The following RANBP17 variants were observed in gnomAD, a reference collection of about 807,000 sequenced individuals.
RANBP17 encodes the protein RAN binding protein 17.
RANBP17 carries 158 observed loss-of-function variants against 141.2 expected under a neutral mutation model. That is an observed-to-expected ratio of 1.12 (90% CI 0.98 to 1.28). The LOEUF is 1.28. Among genes scored for constraint, RANBP17 ranks in the 50% most tolerant of loss-of-function variants. The pLI, the probability that RANBP17 is intolerant of heterozygous loss-of-function variation, is 0.00. For missense variants in RANBP17, 1,438 were observed against 1,290.7 expected (o/e 1.11, Z -1.75); for synonymous variants, 430 against 450.0 (o/e 0.96, Z 0.56).
intron 14 of RANBP17, among the ~76,000 whole-genome samples, chr5:171,111,347 A>G (rs1755217015): frequency 6.6e-6 from 1 of 152,158 alleles, no homozygotes. Flanking sequence ...TCACAAAATG[A>G]AAGATGTGGA....
chr5:171,135,371 T>G (rs1340642899), intron 14 of RANBP17, among the ~76,000 whole-genome samples: 2 of 152,136 alleles, frequency 1.3e-5, no homozygotes, highest in African/African-American at 2.4e-5. Context: ...TGGATAATGC[T>G]TTAGGATGGA....
At chr5:171,124,404 A>G (rs1396597501) in intron 14 of RANBP17, among the ~76,000 whole-genome samples, 1 of 152,148 alleles carries the variant, frequency 6.6e-6, no homozygotes, top group African/African-American at 2.4e-5. Context: ...AATTTTTAGA[A>G]GGGGAAGAGA....
At chr5:171,001,180 C>G (rs1779176459) in intron 14 of RANBP17, among the ~76,000 whole-genome samples, 1 of 152,048 alleles carries the variant, frequency 6.6e-6, no homozygotes, top group African/African-American at 2.4e-5. Flanking sequence ...AGCATGAGAA[C>G]CTGCAATGGG....
chr5:170,950,427 A>G (rs1275975907), intron 12 of RANBP17, among the ~76,000 whole-genome samples: 5 of 152,158 alleles, frequency 3.3e-5, no homozygotes, highest in Non-Finnish European at 7.4e-5. Flanking sequence ...GTCAAATGAC[A>G]TGAATAGACA....
At chr5:171,067,729 A>G (rs1485757840) in intron 14 of RANBP17, among the ~76,000 whole-genome samples, 2 of 151,794 alleles carry the variant, frequency 1.3e-5, no homozygotes, top group Non-Finnish European at 2.9e-5. Context: ...TCTGACCTCC[A>G]TGTTTTCTGA....
In RANBP17 at chr5:170,886,651, C is replaced by CTTTTTTT. The variant is rs3080616; in HGVS notation, c.256+4772_256+4778dup. ...ACACTACACCATTCATTTGAGGTGC[C>CTTTTTTT]TTTTTTTTTTTTTTTTTTTTTTTGA... is the stretch of plus-strand genomic sequence containing the variant. On this transcript the variant is annotated intron_variant, in intron 3 of 27. Transcript: ENST00000523189. Among the ~76,000 whole-genome samples, 3 of 87,860 alleles carry CTTTTTTT rather than the reference C, an allele frequency of 3.4e-5. 1 individual carries two copies. The highest frequency in any genetic ancestry group is 4.5e-5 in the African/African-American group (1 of 22,432). 57.6% of individuals were successfully genotyped at this position (87,860 alleles called of 152,430 possible).
At chr5:171,006,507 A>C (rs931660844) in intron 14 of RANBP17, among the ~76,000 whole-genome samples, 3 of 152,188 alleles carry the variant, frequency 2.0e-5, no homozygotes, top group African/African-American at 7.2e-5. Flanking sequence ...CAAAAAACCA[A>C]ACACTCCACG....
intron 25 of RANBP17, among the ~76,000 whole-genome samples, chr5:171,285,385 A>C (rs1042014557): frequency 6.6e-6 from 1 of 152,240 alleles, no homozygotes; most frequent in African/African-American, 2.4e-5. Context: ...AACCAAAAAT[A>C]AGTGTCACTT....
At chr5:171,235,499 G>T (rs1174361249) in intron 22 of RANBP17, among the ~76,000 whole-genome samples, 1 of 152,038 alleles carries the variant, frequency 6.6e-6, no homozygotes, top group Non-Finnish European at 1.5e-5. Flanking sequence ...CATGTTGAGG[G>T]ATTGACTTTT....
At chr5:170,955,927 TTA>T (rs1455674032) in intron 13 of RANBP17, among the ~76,000 whole-genome samples, 2 of 150,756 alleles carry the variant, frequency 1.3e-5, no homozygotes, top group East Asian at 3.9e-4. Flanking sequence ...GCTTTAAATA[TTA>T]TGTATTCAGA....
intron 18 of RANBP17, among the ~76,000 whole-genome samples, chr5:171,190,422 A>G (rs756664798): frequency 2.0e-5 from 3 of 152,226 alleles, no homozygotes; most frequent in Non-Finnish European, 4.4e-5. Flanking sequence ...AATTGAAAGC[A>G]TTTCATCATT....
intron 18 of RANBP17, among the ~76,000 whole-genome samples, chr5:171,194,047 C>A (rs774506111): frequency 3.4e-4 from 52 of 152,236 alleles, no homozygotes; most frequent in Non-Finnish European, 1.3e-4. Context: ...GTTATCATAT[C>A]ATTTCTATTA....
chr5:170,944,754 T>A (rs1305676377), intron 12 of RANBP17, among the ~76,000 whole-genome samples: 1 of 152,192 alleles, frequency 6.6e-6, no homozygotes, highest in Non-Finnish European at 1.5e-5. Context: ...CTTTCAAAAT[T>A]TACTGTAATT....
At chr5:171,001,858 G>A (rs150156396) in intron 14 of RANBP17, among the ~76,000 whole-genome samples, 1,680 of 152,164 alleles carry the variant, frequency 0.011, 28 homozygotes, top group African/African-American at 0.039. Context: ...AGAAATGACC[G>A]CAGTGACCTT....
In RANBP17 at chr5:171,023,161, C is replaced by A. The variant is rs376092431; in HGVS notation, c.1710+54784C>A. On this transcript the variant is annotated intron_variant, in intron 14 of 27. Transcript: ENST00000523189. The stretch of plus-strand genomic sequence containing the variant: ...TGGTTGCCAGTGAAGGATTCACATG[C>A]CTATTATAGTTCTTTTTAATGGGAC... 1.3e-3 allele frequency among the ~76,000 whole-genome samples: 197 copies of A among 152,274 alleles called. 1 individual carries two copies. Among genetic ancestry groups the A allele is most frequent in the African/African-American group, 4.6e-3 (192 of 41,560 alleles).
At chr5:170,939,352 A>T (rs952696705) in intron 12 of RANBP17, among the ~76,000 whole-genome samples, 4 of 149,502 alleles carry the variant, frequency 2.7e-5, no homozygotes, top group African/African-American at 1.0e-4. Flanking sequence ...TAAACTCAAA[A>T]ATTTTATTTT....
chr5:171,200,721 A>C (rs951022773), intron 19 of RANBP17, among the ~76,000 whole-genome samples: 4 of 151,544 alleles, frequency 2.6e-5, no homozygotes, highest in Admixed American at 6.5e-5. Flanking sequence ...AACTAACAGT[A>C]AGAAGCCAAA....
chr5:170,980,772 G>A (rs572675886), intron 14 of RANBP17, among the ~76,000 whole-genome samples: 44 of 152,220 alleles, frequency 2.9e-4, no homozygotes, highest in Non-Finnish European at 4.4e-4. Context: ...AGTGCGGAAG[G>A]GAAATGTGGG....
chr5:171,295,457 A>G (rs898390808), intron 26 of RANBP17, among the ~76,000 whole-genome samples: 2 of 152,198 alleles, frequency 1.3e-5, no homozygotes, highest in Non-Finnish European at 2.9e-5. Context: ...AGGAAAGATG[A>G]TAAGGCCTGA....
Sources: gnomAD v4.1 joint callset for allele counts (sites outside exome capture counted in the v4.1 genomes callset) on GRCh38, gnomAD v4.1.1 for gene constraint, MANE v1.5 for transcripts, NCBI Gene and HGNC (gene_info 2026-07-23, HGNC 2026-07-21) for gene names.